The following PPM1F variants were observed in gnomAD, a reference collection of about 807,000 sequenced individuals.
PPM1F encodes protein phosphatase, Mg2+/Mn2+ dependent 1F.
In PPM1F, 17 loss-of-function variants were observed where a neutral mutation model predicts 35.5. The observed-to-expected ratio is 0.48, with a 90% CI of 0.33 to 0.72. PPM1F has a LOEUF of 0.72. Ranked by LOEUF, PPM1F falls within the 30% of genes least tolerant of loss-of-function variation. The pLI, the probability that PPM1F is intolerant of heterozygous loss-of-function variation, is 0.02. For synonymous variants in PPM1F, 241 were observed against 255.5 expected, an observed-to-expected ratio of 0.94 and a Z score of 0.54; for missense variants, 521 against 613.0, an observed-to-expected ratio of 0.85 and a Z score of 1.59.
chr22:21,927,937 G>GTTTTTT (rs1392008034), intron 6 of PPM1F, among the ~76,000 whole-genome samples: 25 of 68,092 alleles, frequency 3.7e-4, no homozygotes, highest in African/African-American at 6.5e-4. Flanking sequence ...TCTGTTTTTT[G>GTTTTTT]TTTTGTTTTT....
At chr22:21,942,517 G>A (rs554188916) in intron 2 of PPM1F, 1 of 152,358 alleles carries the variant, frequency 6.6e-6, no homozygotes, top group East Asian at 1.9e-4. Context: ...GCCAAGACAT[G>A]AGAAATTAGT....
In PPM1F at chr22:21,925,983, C is replaced by CA. The variant is rs529653559; in HGVS notation, c.892-322dup. On this transcript the variant is annotated intron_variant, in intron 6 of 7. Transcript: ENST00000263212. ...ACGAGGCTTGCGAGCCCGACACAGA[C>CA]AGCAGATCCTTCTGCTTCCCTGTCT... 8 of 311,804 alleles carry CA rather than the reference C, an allele frequency of 2.6e-5. No homozygotes were observed. The East Asian group carries it at 4.2e-4, about 16-fold the overall frequency. The allele number at this position is 311,804 out of a possible 1,614,324, so 19.3% of individuals were successfully genotyped here. A position where few individuals can be genotyped will look rare whatever the true frequency, so the allele number is the denominator to read the frequency against.
At chr22:21,949,312 G>A (rs894946173) in intron 1 of PPM1F, 1 of 152,248 alleles carries the variant, frequency 6.6e-6, no homozygotes, top group East Asian at 1.9e-4. Flanking sequence ...AAGGCAAGGG[G>A]TGAGGAGAGA....
At chr22:21,934,381 C>A in intron 3 of PPM1F, 155 bp from the exon 4 acceptor site, 1 of 618,342 alleles carries the variant, frequency 1.6e-6, no homozygotes, top group Non-Finnish European at 2.8e-6. Flanking sequence ...ACATGGCAGC[C>A]TGTTACCAGA....
chr22:21,923,469 C>CCCCTGGACAGGCGGAGAAGAG lies in PPM1F; in HGVS notation c.986-19_987dup (p.Gly329_Asp330insLeuPheSerAlaCysProGly), dbSNP rs756141744. On this transcript the variant is annotated inframe_insertion and splice_region_variant, in exon 8 of 8. Coordinates refer to ENST00000263212, the MANE Select transcript of PPM1F (RefSeq NM_014634.4). Reference sequence around the variant, plus strand: ...GACACGTAGGGCTTCTGGAAGACATCCCCTGGACAGGCGGAGAAGAGCCCG... The same window carrying CCCCTGGACAGGCGGAGAAGAG: ...GACACGTAGGGCTTCTGGAAGACATCCCCTGGACAGGCGGAGAAGAGCCCTGGACAGGCGGAGAAGAGCCCG... 26 of 1,598,922 alleles carry CCCCTGGACAGGCGGAGAAGAG rather than the reference C, an allele frequency of 1.6e-5. No homozygotes were observed. Among genetic ancestry groups the CCCCTGGACAGGCGGAGAAGAG allele is most frequent in the Non-Finnish European group, 2.1e-5 (24 of 1,169,224 alleles).
At chr22:21,927,336 G>A (rs1406458070) in intron 6 of PPM1F, among the ~76,000 whole-genome samples, 1 of 152,234 alleles carries the variant, frequency 6.6e-6, no homozygotes, top group Non-Finnish European at 1.5e-5. Flanking sequence ...CCTGCAGACG[G>A]CGAGGAGCTG....
At chr22:21,945,769 C>G in intron 2 of PPM1F, 74 bp downstream of exon 2, 2 of 1,463,448 alleles carry the variant, frequency 1.4e-6, no homozygotes, top group Middle Eastern at 2.4e-4. Context: ...TGTAGGGGAG[C>G]AGCAGCCACA....
chr22:21,938,032 G>A, intron 3 of PPM1F: 1 of 1,166,100 alleles, frequency 8.6e-7, no homozygotes, highest in Non-Finnish European at 1.1e-6. Flanking sequence ...TTCCGTGACA[G>A]GGAGAGCATG....
chr22:21,929,090 C>G (rs539223220), intron 6 of PPM1F, among the ~76,000 whole-genome samples: 25 of 152,160 alleles, frequency 1.6e-4, no homozygotes, highest in Admixed American at 1.5e-3. Context: ...GCTGGACCCC[C>G]GTTGAAGCTC....
In PPM1F at chr22:21,921,706, GAC is replaced by G. The variant is rs1210536438; in HGVS notation, c.*1384_*1385del. ...AGCATCCCTGCTGCCTCCAGACTGA[GAC>G]AGAGACCCACGGGCTGCCTCTGTGC... On this transcript the variant is annotated 3_prime_UTR_variant, in exon 8 of 8. Coordinates refer to ENST00000263212, the MANE Select transcript of PPM1F (RefSeq NM_014634.4). 2 of 152,430 alleles carry G rather than the reference GAC, an allele frequency of 1.3e-5. No homozygotes were observed. Among genetic ancestry groups the G allele is most frequent in the Non-Finnish European group, 2.9e-5 (2 of 68,074 alleles). The allele number at this position is 152,430 out of a possible 1,614,324, so 9.4% of individuals were successfully genotyped here. A position where few individuals can be genotyped will look rare whatever the true frequency, so the allele number is the denominator to read the frequency against.
In PPM1F at chr22:21,939,326, G is replaced by A. The variant is rs551326094; in HGVS notation, c.355+206C>T. ...CCACCCCTGCCTCGTGGGCTGACTG[G>A]GAACTATATGACCTGTGGAGGGCTG... On this transcript the variant is annotated intron_variant, in intron 3 of 7. Coordinates refer to ENST00000263212, the MANE Select transcript of PPM1F (RefSeq NM_014634.4). This position sits in a 1 kb window ranked among gnomAD's most constrained non-coding sequence, Gnocchi z 5.1. 102 of 638,952 alleles carry A rather than the reference G, an allele frequency of 1.6e-4. No individual in the cohort carries two copies. Among genetic ancestry groups the A allele is most frequent in the African/African-American group, 1.4e-3 (78 of 54,510 alleles). 39.6% of individuals were successfully genotyped at this position (638,952 alleles called of 1,614,324 possible).
intron 3 of PPM1F, chr22:21,938,684 G>C: frequency 1.2e-6 from 1 of 849,610 alleles, no homozygotes; most frequent in African/African-American, 1.8e-5. Context: ...GGCCTGTCCA[G>C]GGACAACTAT....
chr22:21,943,043 G>T (rs768114055), intron 2 of PPM1F: 11 of 152,292 alleles, frequency 7.2e-5, no homozygotes, highest in Non-Finnish European at 1.3e-4. Context: ...GTGACAGGAG[G>T]CTCCAAACAA....
At chr22:21,927,930 G>GTTTTTT in intron 6 of PPM1F, among the ~76,000 whole-genome samples, 1 of 93,352 alleles carries the variant, frequency 1.1e-5, no homozygotes, top group Non-Finnish European at 2.1e-5. Context: ...TCTTGATTCT[G>GTTTTTT]TTTTTTGTTT....
rs1188844140 is a variant in PPM1F, at chr22:21,934,243, A to G, written c.356-17T>C. On this transcript the variant is annotated splice_polypyrimidine_tract_variant and intron_variant, in intron 3 of 7. Coordinates refer to ENST00000263212, the MANE Select transcript of PPM1F (RefSeq NM_014634.4). ...CATCCAGCACTGATGGGCACAATGG[A>G]GGGATTGTCAGGGAAGTGCCAACCA... 5 of 1,541,706 alleles carry G rather than the reference A, an allele frequency of 3.2e-6. No individual in the cohort carries two copies. In the South Asian group the frequency reaches 5.9e-5, roughly 18 times the overall value.
intron 6 of PPM1F, among the ~76,000 whole-genome samples, chr22:21,929,820 A>C (rs866739618): frequency 5.3e-5 from 8 of 152,158 alleles, no homozygotes; most frequent in African/African-American, 1.9e-4. Context: ...GCCGCAGTGA[A>C]AGGCCAAGGA....
intron 1 of PPM1F, chr22:21,950,974 A>G (rs545153943): frequency 1.3e-5 from 2 of 152,312 alleles, no homozygotes; most frequent in South Asian, 4.1e-4. Context: ...ATAACTACTA[A>G]TACTAATAAT....
chr22:21,943,511 C>G (rs182418427), intron 2 of PPM1F: 1 of 152,212 alleles, frequency 6.6e-6, no homozygotes, highest in East Asian at 1.9e-4. Context: ...CCCTCCTGCT[C>G]GCACCCATCA....
chr22:21,922,766 C>T lies in PPM1F; in HGVS notation c.*326G>A, dbSNP rs769202154. Reference sequence around the variant, plus strand: ...GTGCACAACCATGCTGCCCCATGCACACCAGTGTCTTTGGTTTGGCTGCCG... The same window carrying T: ...GTGCACAACCATGCTGCCCCATGCATACCAGTGTCTTTGGTTTGGCTGCCG... On this transcript the variant is annotated 3_prime_UTR_variant, in exon 8 of 8. Coordinates refer to ENST00000263212, the MANE Select transcript of PPM1F (RefSeq NM_014634.4). The T allele has an allele frequency of 2.8e-4, 80 of 289,260 alleles. No individual in the cohort carries two copies. The highest frequency in any genetic ancestry group is 4.6e-4 in the Non-Finnish European group (71 of 154,998). The allele number at this position is 289,260 out of a possible 1,614,324, so 17.9% of individuals were successfully genotyped here.
Sources: gnomAD v4.1 joint callset for allele counts (sites outside exome capture counted in the v4.1 genomes callset) on GRCh38, gnomAD v4.1.1 for gene constraint, Gnocchi (gnomAD v3.1) non-coding constraint, MANE v1.5 for transcripts, NCBI Gene and HGNC (gene_info 2026-07-23, HGNC 2026-07-21) for gene names.